POLN: variants seen among roughly 807,000 people sequenced by gnomAD.
POLN encodes DNA polymerase nu, also known as DNA polymerase N.
Under a neutral mutation model 113.5 loss-of-function variants are expected in POLN, and 108 were observed. The ratio of observed to expected loss-of-function variants is 0.95; its 90% CI spans 0.81 to 1.12. The LOEUF (loss-of-function observed/expected upper bound fraction) is 1.12. POLN is among the 50% of genes most tolerant of loss of function. POLN has a pLI of 0.00. For missense variants in POLN, 1,097 were observed against 1,077.1 expected, an observed-to-expected ratio of 1.02 and a Z score of -0.26; for synonymous variants, 386 against 391.5, an observed-to-expected ratio of 0.99 and a Z score of 0.17.
chr4:2,123,433 C>G (rs934875176), intron 19 of POLN, among the ~76,000 whole-genome samples: 1 of 151,888 alleles, frequency 6.6e-6, no homozygotes, highest in Non-Finnish European at 1.5e-5. Flanking sequence ...CAAGACCAGC[C>G]TGGCCAACAT....
Position 2,208,419 on chromosome 4 carries a change from G to A in POLN, c.282C>T (p.Val94=). The change falls in exon 5 of 26, where the codon GTC becomes GTT. Residue 94 remains valine, a synonymous_variant. Coordinates refer to ENST00000511885, the MANE Select transcript of POLN (RefSeq NM_181808.4). ...SAKLSPQSFS[V]RLTDQLSADQ... is the part of the protein sequence containing the mutation. ...CAGCAGACAGCTGATCTGTGAGCCTGACACTGAAGGACTGAGGAGACAGCT... is the reference window on the plus strand; with the variant it reads ...CAGCAGACAGCTGATCTGTGAGCCTAACACTGAAGGACTGAGGAGACAGCT... The A allele has an allele frequency of 6.2e-7, 1 of 1,603,422 alleles. No individual in the cohort carries two copies. Among genetic ancestry groups the A allele is most frequent in the African/African-American group, 1.3e-5 (1 of 74,532 alleles).
intron 7 of POLN, among the ~76,000 whole-genome samples, chr4:2,190,302 T>A (rs970735114): frequency 2.0e-5 from 3 of 152,034 alleles, no homozygotes; most frequent in African/African-American, 7.2e-5. Context: ...GAATATATAT[T>A]GGGGAAAAGT....
chr4:2,128,216 T>C lies in POLN; in HGVS notation c.1879A>G (p.Ile627Val), dbSNP rs141722086. 51 of 1,604,874 alleles carry C rather than the reference T, an allele frequency of 3.2e-5. No individual in the cohort carries two copies. The African/African-American group carries it at 4.3e-4, about 13-fold the overall frequency. Residue 627 changes from isoleucine to valine, a missense_variant, in exon 19 of 26, where the codon ATT (isoleucine) becomes GTT (valine). Physicochemically the swap from Ile to Val is conservative, Grantham distance 29. Coordinates refer to ENST00000511885, the MANE Select transcript of POLN (RefSeq NM_181808.4). ...HTFLAADFSQ[I>V]ELRILTHLSG... ...AAATGTGTAAGAATGCGCAATTCAA[T>C]CTGTGAAAAGTCTGTGAGATACAGT...
chr4:2,104,127 A>C (rs2208903), intron 19 of POLN, among the ~76,000 whole-genome samples: 1 of 152,106 alleles, frequency 6.6e-6, no homozygotes, highest in South Asian at 2.1e-4. Context: ...CAAACAGAGA[A>C]AATGAAAGAA....
chr4:2,206,253 T>C (rs1733839680), intron 5 of POLN, among the ~76,000 whole-genome samples: 1 of 152,184 alleles, frequency 6.6e-6, no homozygotes, highest in African/African-American at 2.4e-5. Flanking sequence ...CAGCTCAAGA[T>C]GGATCAAGGA....
chr4:2,083,350 C>T (rs540919728), intron 21 of POLN, among the ~76,000 whole-genome samples: 1 of 152,320 alleles, frequency 6.6e-6, no homozygotes, highest in South Asian at 2.1e-4. Flanking sequence ...GGCTGTGCCT[C>T]CAGACACAGG....
chr4:2,094,462 C>T lies in POLN; in HGVS notation c.2065+1389G>A, dbSNP rs554805193. Among the ~76,000 whole-genome samples the T allele has an allele frequency of 1.7e-4, 26 of 152,206 alleles. No individual in the cohort carries two copies. The South Asian group carries it at 5.4e-3, about 32-fold the overall frequency. ...ACAGCCCCAGCCAACACCCTGACTGCAGCCCCTGCAGGGGACCCAGCTATG... is the reference window on the plus strand; with the variant it reads ...ACAGCCCCAGCCAACACCCTGACTGTAGCCCCTGCAGGGGACCCAGCTATG... On this transcript the variant is annotated intron_variant, in intron 20 of 25. Coordinates refer to ENST00000511885, the MANE Select transcript of POLN (RefSeq NM_181808.4).
rs1339456011 is a variant in POLN at position 2,229,177 on chromosome 4, T to C, written c.55A>G (p.Ser19Gly). ...GCAGACATAATCTTCTGAGCAACAC[T>C]GGAGAGCGGTGTATTACAGAGATCA... ...GFDLCNTPLS[S>G]VAQKIMSAMH... The change falls in exon 3 of 26, where the codon AGT becomes GGT. Residue 19 changes from serine to glycine, a missense_variant. Ser to Gly is a moderately conservative substitution (Grantham distance 56, BLOSUM62 0). Coordinates refer to ENST00000511885, the MANE Select transcript of POLN (RefSeq NM_181808.4). 2 of 1,610,738 alleles carry C rather than the reference T, an allele frequency of 1.2e-6. No homozygotes were observed. The highest frequency in any genetic ancestry group is 2.2e-5 in the South Asian group (2 of 91,006).
At chr4:2,161,599 C>T (rs1732592086) in intron 13 of POLN, among the ~76,000 whole-genome samples, 1 of 152,230 alleles carries the variant, frequency 6.6e-6, no homozygotes, top group African/African-American at 2.4e-5. Flanking sequence ...TGAGCGCCGC[C>T]CCCTGCTCCA....
chr4:2,179,411 C>T lies in POLN; in HGVS notation c.1076G>A (p.Ser359Asn). 2.5e-6 allele frequency: 4 copies of T among 1,613,822 alleles called. No homozygotes were observed. In the South Asian group the frequency reaches 4.4e-5, roughly 18 times the overall value. ...ATCTTCAAAAGAGGGTGTGGCATCA[C>T]TAGGATCTATAAGCCATGCAGCAAT... Reference protein sequence around the residue: ...PRIAAWLIDPSDATPSFEDLV... With the variant: ...PRIAAWLIDPNDATPSFEDLV... The change falls in exon 8 of 26, where the codon AGT (serine) becomes AAT (asparagine). Residue 359 changes from serine (S) to asparagine (N), a missense_variant. Ser to Asn is a conservative substitution (Grantham distance 46). Transcript: ENST00000511885.
intron 3 of POLN, among the ~76,000 whole-genome samples, chr4:2,220,254 C>T (rs1295545313): frequency 6.6e-6 from 1 of 152,168 alleles, no homozygotes; most frequent in Non-Finnish European, 1.5e-5. Context: ...CTTTGCTTTG[C>T]TTTCCTTTCT....
At chr4:2,206,398 G>T (rs1444491358) in intron 5 of POLN, among the ~76,000 whole-genome samples, 1 of 152,176 alleles carries the variant, frequency 6.6e-6, no homozygotes, top group Non-Finnish European at 1.5e-5. Context: ...ATAAATAGCT[G>T]GGACTTAATT....
In POLN at chr4:2,075,471, C is replaced by A. The variant is rs377189994; in HGVS notation, c.2436G>T (p.Pro812=). ...GGCTACCTGCACACTCCGGGATCTG[C>A]GGATCTTCCACTTCAAACAGCAGCT... The part of the protein sequence containing the change: ...HDELLFEVED[P]QIPECAALVR... Residue 812 remains proline, a synonymous_variant, in exon 24 of 26, where the codon CCG becomes CCT. Coordinates refer to ENST00000511885, the MANE Select transcript of POLN (RefSeq NM_181808.4). 2.5e-6 allele frequency: 4 copies of A among 1,613,560 alleles called. No homozygotes were observed. Among genetic ancestry groups the A allele is most frequent in the Non-Finnish European group, 2.5e-6 (3 of 1,180,028 alleles).
chr4:2,186,469 C>T (rs1428251180), intron 7 of POLN, among the ~76,000 whole-genome samples: 1 of 152,182 alleles, frequency 6.6e-6, no homozygotes, highest in Non-Finnish European at 1.5e-5. Context: ...GAGGTATTCC[C>T]TTAGGGACTT....
chr4:2,085,733 G>T lies in POLN; in HGVS notation c.2077C>A (p.Leu693Met). 6.2e-7 allele frequency: 1 copy of T among 1,613,758 alleles called. No homozygotes were observed. The highest frequency in any genetic ancestry group is 1.3e-5 in the African/African-American group (1 of 75,050). Residue 693 changes from leucine to methionine, a missense_variant, in exon 21 of 26, where the codon CTG (leucine) becomes ATG (methionine). By Grantham distance (15) the Leu-to-Met change is conservative. Transcript: ENST00000511885. ...ATAGGAACTCCAAGGCAAGCAGCCA[G>T]CCGCTCCTTCCCTGTCAGTCAGAGA... The part of the protein sequence containing the change: ...AVVYGAGKER[L>M]AACLGVPIQE...
chr4:2,240,906 AT>A (rs748396956), intron 2 of POLN: 7 of 1,597,264 alleles, frequency 4.4e-6, no homozygotes, highest in African/African-American at 2.7e-5. Flanking sequence ...GGGATAACCA[AT>A]TTTTTTTAAT....
In POLN at chr4:2,241,564, C is replaced by A. The variant is rs1734989528; in HGVS notation, c.-57G>T. The A allele has an allele frequency of 3.0e-6, 3 of 985,782 alleles. No homozygotes were observed. 61.1% of individuals were successfully genotyped at this position (985,782 alleles called of 1,614,324 possible). A position where few individuals can be genotyped will look rare whatever the true frequency, so the allele number is the denominator to read the frequency against. ...AGGCTCCACCTCCAGAGTCCACCAC[C>A]GCGACGCGGAGAACAGCAGGAGCAG... is the stretch of plus-strand genomic sequence containing the variant. On this transcript the variant is annotated 5_prime_UTR_variant, in exon 2 of 26. Transcript: ENST00000511885.
intron 19 of POLN, among the ~76,000 whole-genome samples, chr4:2,113,223 C>G (rs1731239117): frequency 8.3e-6 from 1 of 120,548 alleles, no homozygotes; most frequent in Non-Finnish European, 1.6e-5. Flanking sequence ...ACATCACACA[C>G]CGGGGACTGT....
chr4:2,222,655 G>A (rs1734287074), intron 3 of POLN, among the ~76,000 whole-genome samples: 2 of 151,424 alleles, frequency 1.3e-5, no homozygotes, highest in South Asian at 4.2e-4. Context: ...GAAGCCCTCT[G>A]GCTTTCACGT....
Sources: allele counts gnomAD v4.1 joint callset (sites outside exome capture counted in the v4.1 genomes callset), GRCh38; gene constraint gnomAD v4.1.1; transcripts MANE v1.5; gene names NCBI Gene and HGNC (gene_info 2026-07-23, HGNC 2026-07-21).